SNTB2: variants seen among roughly 807,000 people sequenced by gnomAD.
SNTB2 encodes syntrophin beta 2, also known as beta-2-syntrophin.
SNTB2 carries 34 observed loss-of-function variants against 46.2 expected under a neutral mutation model. The observed-to-expected ratio is 0.74, with a 90% CI of 0.56 to 0.98. The LOEUF is 0.98. Ranked by LOEUF, SNTB2 falls within the 50% of genes least tolerant of loss-of-function variation. SNTB2 has a pLI of 0.00. For synonymous variants in SNTB2, 290 were observed against 312.6 expected, an observed-to-expected ratio of 0.93 and a Z score of 0.76; for missense variants, 603 against 731.4, an observed-to-expected ratio of 0.82 and a Z score of 2.02.
intron 2 of SNTB2, among the ~76,000 whole-genome samples, chr16:69,259,783 A>G (rs1385091893): frequency 6.8e-6 from 1 of 147,398 alleles, no homozygotes; most frequent in African/African-American, 2.5e-5. Context: ...CTAATTTTTT[A>G]TATATTAGCA....
At chr16:69,288,889 C>T (rs1169752032) in intron 5 of SNTB2, among the ~76,000 whole-genome samples, 1 of 152,102 alleles carries the variant, frequency 6.6e-6, no homozygotes, top group East Asian at 1.9e-4. Flanking sequence ...TCATTTGTAG[C>T]AACATGGATG....
chr16:69,276,573 A>T (rs1053179958), intron 4 of SNTB2, among the ~76,000 whole-genome samples: 15 of 152,320 alleles, frequency 9.8e-5, no homozygotes, highest in Middle Eastern at 3.4e-3. Context: ...AAACTTACTT[A>T]ACTCTTTCTG....
In SNTB2 at chr16:69,301,067, G is replaced by A. The variant is rs960151301; in HGVS notation, c.*143G>A. ...TGCAAATAACTGCTGAACCATAACC[G>A]TGTTTAAAGAAGAGCCTACCTTTCA... On this transcript the variant is annotated 3_prime_UTR_variant, in exon 7 of 7. Coordinates refer to ENST00000336278, the MANE Select transcript of SNTB2 (RefSeq NM_006750.4). 2.9e-5 allele frequency: 17 copies of A among 594,778 alleles called. No individual in the cohort carries two copies. Among genetic ancestry groups the A allele is most frequent in the African/African-American group, 9.3e-5 (5 of 53,554 alleles). 36.8% of individuals were successfully genotyped at this position (594,778 alleles called of 1,614,324 possible). A position where few individuals can be genotyped will look rare whatever the true frequency, so the allele number is the denominator to read the frequency against.
At chr16:69,298,853 G>T (rs957619600) in intron 5 of SNTB2, among the ~76,000 whole-genome samples, 17 of 152,058 alleles carry the variant, frequency 1.1e-4, no homozygotes, top group African/African-American at 4.1e-4. Flanking sequence ...CCTATCTGAA[G>T]GCCCATCTCC....
At chr16:69,219,708 A>ATTTTG (rs1359096738) in intron 1 of SNTB2, among the ~76,000 whole-genome samples, 2 of 148,208 alleles carry the variant, frequency 1.3e-5, no homozygotes, top group Non-Finnish European at 3.0e-5. Context: ...TAGAAACCAG[A>ATTTTG]TTTTATTTTA....
intron 2 of SNTB2, among the ~76,000 whole-genome samples, chr16:69,254,633 T>A (rs760656751): frequency 3.3e-5 from 5 of 152,134 alleles, no homozygotes; most frequent in Admixed American, 6.5e-5. Flanking sequence ...AAGCCACACA[T>A]TGGGAAGAAA....
At chr16:69,201,817 GTAT>G (rs1964164010) in intron 1 of SNTB2, among the ~76,000 whole-genome samples, 1 of 152,022 alleles carries the variant, frequency 6.6e-6, no homozygotes, top group African/African-American at 2.4e-5. Context: ...GAATTCAATA[GTAT>G]TATTATTATT....
chr16:69,206,146 G>A (rs1318108035), intron 1 of SNTB2, among the ~76,000 whole-genome samples: 1 of 152,078 alleles, frequency 6.6e-6, no homozygotes, highest in Admixed American at 6.6e-5. Flanking sequence ...ACAGGAGCGT[G>A]CCACCACTTG....
intron 1 of SNTB2, among the ~76,000 whole-genome samples, chr16:69,214,138 TTTTA>T: frequency 6.7e-6 from 1 of 150,244 alleles, no homozygotes; most frequent in Non-Finnish European, 1.5e-5. Flanking sequence ...TTTTTTTTTT[TTTTA>T]TTTTTTTTGA....
chr16:69,242,632 T>C (rs570094542), intron 1 of SNTB2, among the ~76,000 whole-genome samples: 36 of 152,300 alleles, frequency 2.4e-4, no homozygotes, highest in African/African-American at 8.2e-4. Flanking sequence ...GGTACATGTG[T>C]GCAGTACATG....
At chr16:69,255,338 G>A (rs554807860) in intron 2 of SNTB2, among the ~76,000 whole-genome samples, 3 of 152,086 alleles carry the variant, frequency 2.0e-5, no homozygotes, top group South Asian at 2.1e-4. Flanking sequence ...CAAGGTGGGC[G>A]GATCACGAGG....
chr16:69,289,756 T>A (rs932303846), intron 5 of SNTB2, among the ~76,000 whole-genome samples: 2 of 151,966 alleles, frequency 1.3e-5, no homozygotes, highest in Non-Finnish European at 2.9e-5. Flanking sequence ...ACCCCGTCTC[T>A]ACAAAAAATT....
intron 1 of SNTB2, among the ~76,000 whole-genome samples, chr16:69,235,052 C>G (rs1964544574): frequency 6.6e-6 from 1 of 152,096 alleles, no homozygotes; most frequent in Non-Finnish European, 1.5e-5. Flanking sequence ...CGGAGTCTCT[C>G]CCAGGCTGGA....
At chr16:69,271,016 A>G (rs1354356474) in intron 4 of SNTB2, among the ~76,000 whole-genome samples, 2 of 152,196 alleles carry the variant, frequency 1.3e-5, no homozygotes, top group African/African-American at 2.4e-5. Context: ...AAATGATGAA[A>G]CTATCTGGAA....
intron 5 of SNTB2, 84 bp downstream of exon 5, chr16:69,284,328 G>A: frequency 8.6e-7 from 1 of 1,163,792 alleles, no homozygotes; most frequent in Non-Finnish European, 1.2e-6. Context: ...ATTTCAGTCA[G>A]TGATGGATTG....
At chr16:69,284,000 G>C in intron 4 of SNTB2, 48 bp from the exon 5 acceptor site, 1 of 1,479,762 alleles carries the variant, frequency 6.8e-7, no homozygotes, top group Non-Finnish European at 9.1e-7. Context: ...TGACATTTTT[G>C]TCTGATAATG....
chr16:69,292,013 A>G (rs1965164157), intron 5 of SNTB2, among the ~76,000 whole-genome samples: 1 of 151,686 alleles, frequency 6.6e-6, no homozygotes, highest in Non-Finnish European at 1.5e-5. Context: ...AGGTCAGGAG[A>G]TCGAGTCCAT....
At chr16:69,289,576 A>G (rs1288920428) in intron 5 of SNTB2, among the ~76,000 whole-genome samples, 1 of 152,208 alleles carries the variant, frequency 6.6e-6, no homozygotes, top group African/African-American at 2.4e-5. Flanking sequence ...CACATTTTAC[A>G]CATGTAACAA....
chr16:69,210,823 T>A (rs1476445486), intron 1 of SNTB2, among the ~76,000 whole-genome samples: 1 of 152,044 alleles, frequency 6.6e-6, no homozygotes, highest in Admixed American at 6.6e-5. Flanking sequence ...GGAAACCTCA[T>A]CCCTACTAAA....
Sources: allele counts gnomAD v4.1 joint callset (sites outside exome capture counted in the v4.1 genomes callset), GRCh38; gene constraint gnomAD v4.1.1; transcripts MANE v1.5; gene names NCBI Gene and HGNC (gene_info 2026-07-23, HGNC 2026-07-21).